BRD10: variants seen among roughly 807,000 people sequenced by gnomAD.
The protein encoded by BRD10 is bromodomain containing 10.
the BRD10 span, chr9:6,007,570 T>G: frequency 3.1e-6 from 5 of 1,611,006 alleles, no homozygotes; most frequent in Admixed American, 6.7e-5. Context: ...GGTCAGCTCC[T>G]GCTCCTTGCA....
chr9:5,994,901 C>CTTTTTTTTTTTTT, the BRD10 span, among the ~76,000 whole-genome samples: 3 of 141,684 alleles, frequency 2.1e-5, no homozygotes, highest in African/African-American at 7.8e-5. Context: ...TATCATTTTT[C>CTTTTTTTTTTTTT]TTTTTTTTTT....
the BRD10 span, among the ~76,000 whole-genome samples, chr9:5,900,858 A>C: frequency 6.6e-6 from 1 of 152,238 alleles, no homozygotes; most frequent in African/African-American, 2.4e-5. Context: ...AGGACAAAAT[A>C]CTTTTGATTC....
chr9:5,892,365 T>A, the BRD10 span: 1 of 895,894 alleles, frequency 1.1e-6, no homozygotes, highest in Non-Finnish European at 1.7e-6. Context: ...GGTCACCTAG[T>A]GAGGATGCTG....
chr9:5,941,266 A>C, the BRD10 span, among the ~76,000 whole-genome samples: 1 of 152,324 alleles, frequency 6.6e-6, no homozygotes, highest in Non-Finnish European at 1.5e-5. Flanking sequence ...AAACTAATAA[A>C]TTTTCTACAT....
chr9:5,880,745 C>T, the BRD10 span, among the ~76,000 whole-genome samples: 94,465 of 148,636 alleles, frequency 0.64, 31,480 homozygotes, highest in Non-Finnish European at 0.76. Context: ...CGCTCTGTCG[C>T]CCAGGCTGGA....
At chr9:5,987,688 T>A in the BRD10 span, among the ~76,000 whole-genome samples, 6 of 152,228 alleles carry the variant, frequency 3.9e-5, no homozygotes, top group South Asian at 8.3e-4. Flanking sequence ...CAAGTCCTTA[T>A]AACATTAGTA....
chr9:5,913,322 C>G, the BRD10 span, among the ~76,000 whole-genome samples: 2 of 152,128 alleles, frequency 1.3e-5, no homozygotes, highest in Admixed American at 6.5e-5. Flanking sequence ...AAAAAAAGAA[C>G]AGAAGGGAGT....
At chr9:5,954,210 G>C in the BRD10 span, 1 of 628,966 alleles carries the variant, frequency 1.6e-6, no homozygotes. Flanking sequence ...GGCTGCTAGT[G>C]AGTCAAATAA....
chr9:5,952,629 G>A, the BRD10 span, among the ~76,000 whole-genome samples: 5 of 152,210 alleles, frequency 3.3e-5, no homozygotes, highest in South Asian at 4.1e-4. Flanking sequence ...TGGCTATGCA[G>A]CCTGTGCTAC....
At chr9:5,933,550 T>C in the BRD10 span, among the ~76,000 whole-genome samples, 10 of 152,204 alleles carry the variant, frequency 6.6e-5, no homozygotes, top group South Asian at 4.1e-4. Flanking sequence ...CCATAGGGAT[T>C]GCTACAACAA....
the BRD10 span, among the ~76,000 whole-genome samples, chr9:5,915,368 T>G: frequency 1.6e-4 from 25 of 152,312 alleles, no homozygotes; most frequent in African/African-American, 6.0e-4. Flanking sequence ...GTACTTTAGG[T>G]AAATTATCTC....
the BRD10 span, among the ~76,000 whole-genome samples, chr9:5,938,283 G>A: frequency 6.6e-6 from 1 of 151,902 alleles, no homozygotes; most frequent in Non-Finnish European, 1.5e-5. Flanking sequence ...TCTTCCAAAA[G>A]ATACAAAAAT....
chr9:5,921,474 A>G, the BRD10 span: 4 of 1,613,874 alleles, frequency 2.5e-6, no homozygotes, highest in African/African-American at 5.3e-5. Context: ...GCATTAATAA[A>G]AACTAATTTC....
chr9:5,954,594 C>G, the BRD10 span, among the ~76,000 whole-genome samples: 1 of 152,138 alleles, frequency 6.6e-6, no homozygotes, highest in South Asian at 2.1e-4. Flanking sequence ...CTGCACTCAC[C>G]TAATAGGCTG....
chr9:5,904,960 A>G, the BRD10 span, among the ~76,000 whole-genome samples: 1 of 151,416 alleles, frequency 6.6e-6, no homozygotes, highest in Non-Finnish European at 1.5e-5. Context: ...TTTATAGTAG[A>G]GATGTCATTT....
chr9:5,965,642 C>A, the BRD10 span, among the ~76,000 whole-genome samples: 1 of 152,230 alleles, frequency 6.6e-6, no homozygotes, highest in South Asian at 2.1e-4. Context: ...TAATGCCCTT[C>A]TGAAATCTGA....
the BRD10 span, among the ~76,000 whole-genome samples, chr9:5,961,060 T>A: frequency 1.3e-5 from 2 of 152,216 alleles, no homozygotes; most frequent in African/African-American, 4.8e-5. Context: ...AGGTGAACCA[T>A]ATTAAATGTG....
chr9:5,974,138 G>T, the BRD10 span, among the ~76,000 whole-genome samples: 1 of 152,022 alleles, frequency 6.6e-6, no homozygotes, highest in Non-Finnish European at 1.5e-5. Context: ...CTTAAAAGAT[G>T]CAGAAAAAAG....
the BRD10 span, chr9:6,007,642 G>A: frequency 1.6e-5 from 25 of 1,603,266 alleles, no homozygotes; most frequent in South Asian, 3.3e-5. Flanking sequence ...GTCCTCCAGC[G>A]AGGAGGCACT....
Sources: allele counts gnomAD v4.1 joint callset (sites outside exome capture counted in the v4.1 genomes callset), GRCh38; gene constraint gnomAD v4.1.1; transcripts MANE v1.5; gene names NCBI Gene and HGNC (gene_info 2026-07-23, HGNC 2026-07-21).